Variants in PPA2 observed in about 807,000 individuals in gnomAD.
PPA2 encodes inorganic pyrophosphatase 2, also known as inorganic pyrophosphatase 2, mitochondrial.
In PPA2, 48 loss-of-function variants were observed where a neutral mutation model predicts 49.5. That is an observed-to-expected ratio of 0.97 (90% CI 0.77 to 1.23). PPA2 has a LOEUF of 1.23. Among genes scored for constraint, PPA2 ranks in the 50% most tolerant of loss-of-function variants. The pLI is 0.00. For missense variants in PPA2, 429 were observed against 410.1 expected (o/e 1.05, Z -0.40); for synonymous variants, 131 against 139.9 (o/e 0.94, Z 0.45).
At chr4:105,473,480 G>C (rs986113417) in intron 1 of PPA2, 1 of 414,154 alleles carries the variant, frequency 2.4e-6, no homozygotes, top group Non-Finnish European at 4.7e-6. Flanking sequence ...ACGCCTCTAG[G>C]AAGGCCGGCG....
chr4:105,416,612 G>A (rs1038863235), intron 7 of PPA2, among the ~76,000 whole-genome samples: 1 of 152,132 alleles, frequency 6.6e-6, no homozygotes, highest in Non-Finnish European at 1.5e-5. Context: ...ACATTCACAA[G>A]AAACAAGTTT....
chr4:105,376,223 A>G (rs775977390), intron 10 of PPA2, among the ~76,000 whole-genome samples: 2 of 152,206 alleles, frequency 1.3e-5, no homozygotes, highest in Non-Finnish European at 2.9e-5. Context: ...GTTAACCGTC[A>G]CTGGGATTCA....
Position 105,456,725 on chromosome 4 carries a change from T to G in PPA2, c.178A>C (p.Ile60Leu). The G allele has an allele frequency of 6.2e-7, 1 of 1,607,054 alleles. No individual in the cohort carries two copies. The highest frequency in any genetic ancestry group is 8.5e-7 in the Non-Finnish European group (1 of 1,176,022). ...LFFKNVTGHY[I>L]SPFHDIPLKV... ...AGAGGAATATCATGAAAGGGGGAAATGTAGTGACCAGTTACATTCTCTGCA... is the reference window on the plus strand; with the variant it reads ...AGAGGAATATCATGAAAGGGGGAAAGGTAGTGACCAGTTACATTCTCTGCA... The change falls in exon 2 of 12, where the codon ATT becomes CTT. Residue 60 changes from isoleucine (I) to leucine (L), a missense_variant. Physicochemically the swap from Ile to Leu is conservative, Grantham distance 5. Transcript: ENST00000341695.
chr4:105,456,003 C>A, intron 2 of PPA2: 1 of 284,322 alleles, frequency 3.5e-6, no homozygotes, highest in Non-Finnish European at 7.1e-6. Flanking sequence ...CCAAATATGC[C>A]ATATTACCAA....
At chr4:105,456,316 T>A in intron 2 of PPA2, 1 of 453,354 alleles carries the variant, frequency 2.2e-6, no homozygotes, top group South Asian at 1.6e-5. Context: ...TAGCAACTCA[T>A]AACAATTAAA....
rs747918498 is a variant in PPA2, at chr4:105,474,034, C to A, written c.17G>T (p.Arg6Leu). MSALL[R>L]LLRTGAPAAA... ...GGCTGGGGCACCCGTGCGCAGCAGC[C>A]GCAGCAGCGCGCTCATGGCGTCAAT... The change falls in exon 1 of 12, where the codon CGG becomes CTG. Residue 6 changes from arginine to leucine, a missense_variant. Coordinates refer to ENST00000341695, the MANE Select transcript of PPA2 (RefSeq NM_176869.3). 3 of 1,591,186 alleles carry A rather than the reference C, an allele frequency of 1.9e-6. No homozygotes were observed. The highest frequency in any genetic ancestry group is 2.7e-5 in the African/African-American group (2 of 74,042).
chr4:105,414,541 C>T (rs1016124174), intron 7 of PPA2, among the ~76,000 whole-genome samples: 4 of 152,218 alleles, frequency 2.6e-5, no homozygotes, highest in African/African-American at 9.6e-5. Flanking sequence ...GCAGCTGGAC[C>T]AGGCAAACCC....
intron 7 of PPA2, among the ~76,000 whole-genome samples, chr4:105,421,416 G>C (rs1291754603): frequency 1.3e-5 from 2 of 152,016 alleles, no homozygotes; most frequent in Non-Finnish European, 2.9e-5. Context: ...ATACTTCTGA[G>C]TTTTTATTTC....
chr4:105,447,720 G>A lies in PPA2; in HGVS notation c.322-1218C>T, dbSNP rs141124263. Among the ~76,000 whole-genome samples, 37 of 147,646 alleles carry A rather than the reference G, an allele frequency of 2.5e-4. 1 individual carries two copies. The highest frequency in any genetic ancestry group is 2.2e-3 in the Admixed American group (32 of 14,284). ...TCTCACCAACTGATTTTATTTCAAA[G>A]TTAGTTTTCTTTTTTCTTTTTTTTT... is the stretch of plus-strand genomic sequence containing the variant. On this transcript the variant is annotated intron_variant, in intron 4 of 11. Coordinates refer to ENST00000341695, the MANE Select transcript of PPA2 (RefSeq NM_176869.3).
At chr4:105,390,112 A>C (rs1446445510) in intron 9 of PPA2, among the ~76,000 whole-genome samples, 1 of 152,314 alleles carries the variant, frequency 6.6e-6, no homozygotes, top group Non-Finnish European at 1.5e-5. Context: ...ATCCATATGC[A>C]GAAAAGTGAA....
chr4:105,450,669 G>A (rs1426528022), intron 3 of PPA2, among the ~76,000 whole-genome samples: 3 of 132,692 alleles, frequency 2.3e-5, no homozygotes, highest in African/African-American at 2.8e-5. Flanking sequence ...GCGCAGTGGC[G>A]CAATCTCGGC....
chr4:105,433,628 C>T (rs1006456032), intron 6 of PPA2, among the ~76,000 whole-genome samples: 13 of 152,330 alleles, frequency 8.5e-5, no homozygotes, highest in South Asian at 4.1e-4. Flanking sequence ...ACACTGTCCA[C>T]GGGAAGAGAC....
At chr4:105,394,145 T>A (rs370280206) in intron 9 of PPA2, among the ~76,000 whole-genome samples, 1 of 152,016 alleles carries the variant, frequency 6.6e-6, no homozygotes, top group Non-Finnish European at 1.5e-5. Context: ...GGTGGGCGGA[T>A]CACTTGAGGC....
chr4:105,396,585 T>C (rs1263877083), intron 8 of PPA2, among the ~76,000 whole-genome samples: 1 of 152,178 alleles, frequency 6.6e-6, no homozygotes, highest in African/African-American at 2.4e-5. Flanking sequence ...TATCAGGGGT[T>C]GGCAAACTAG....
chr4:105,377,358 C>A (rs568577549), intron 10 of PPA2, among the ~76,000 whole-genome samples: 1 of 152,142 alleles, frequency 6.6e-6, no homozygotes, highest in Admixed American at 6.6e-5. Flanking sequence ...GACATTTTTA[C>A]CTGGATTAGC....
At chr4:105,378,206 TTG>T (rs1206322882) in intron 10 of PPA2, among the ~76,000 whole-genome samples, 1 of 152,176 alleles carries the variant, frequency 6.6e-6, no homozygotes, top group Non-Finnish European at 1.5e-5. Context: ...TTGTTAACAG[TTG>T]GTATGCCTGG....
chr4:105,456,646 C>A, intron 2 of PPA2, 35 bp downstream of exon 2: 1 of 1,514,150 alleles, frequency 6.6e-7, no homozygotes, highest in Non-Finnish European at 9.1e-7. Flanking sequence ...ACTGGCAGTA[C>A]ACGTTTTCAT....
rs1264677920 is a variant in PPA2, at chr4:105,399,164, T to A, written c.656A>T (p.Asp219Val). Residue 219 changes from aspartate to valine, a missense_variant and splice_region_variant, in exon 8 of 12, where the codon GAT (aspartate) becomes GTT (valine). By Grantham distance (152) the Asp-to-Val change is radical. Transcript: ENST00000341695. ...TTTGAACTTCTTAACATCATCAATATCTGTAAAGAAAAAAACAAAAAGATG... is the reference window on the plus strand; with the variant it reads ...TTTGAACTTCTTAACATCATCAATAACTGTAAAGAAAAAAACAAAAAGATG... Reference protein sequence around the residue: ...ANDPEASKFHDIDDVKKFKPG... With the variant: ...ANDPEASKFHVIDDVKKFKPG... 2.5e-6 allele frequency: 4 copies of A among 1,587,418 alleles called. No homozygotes were observed. Among genetic ancestry groups the A allele is most frequent in the Non-Finnish European group, 3.4e-6 (4 of 1,172,716 alleles).
Position 105,399,098 on chromosome 4 carries a change from T to C in PPA2, c.722A>G (p.Tyr241Cys), listed in dbSNP as rs1734258453. Residue 241 changes from tyrosine to cysteine, a missense_variant, in exon 8 of 12, where the codon TAT becomes TGT. Physicochemically the swap from Tyr to Cys is radical, Grantham distance 194. Transcript: ENST00000341695. Reference protein sequence around the residue: ...LEATLNWFRLYKVPDGKPENQ... With the variant: ...LEATLNWFRLCKVPDGKPENQ... ...TTCTGGTTTTCCATCTGGTACCTTA[T>C]ATAATCTAAACCAATTAAGAGTAGC... 2.5e-6 allele frequency: 4 copies of C among 1,611,302 alleles called. No homozygotes were observed. Among genetic ancestry groups the C allele is most frequent in the Non-Finnish European group, 2.5e-6 (3 of 1,179,178 alleles).
Sources: gnomAD v4.1 joint callset for allele counts (sites outside exome capture counted in the v4.1 genomes callset) on GRCh38, gnomAD v4.1.1 for gene constraint, MANE v1.5 for transcripts, NCBI Gene and HGNC (gene_info 2026-07-23, HGNC 2026-07-21) for gene names.